Variants in GRID1 observed in about 807,000 individuals in gnomAD.
The protein encoded by GRID1 is glutamate receptor ionotropic, delta-1.
A neutral mutation model predicts 98.0 loss-of-function variants in GRID1; 28 were observed. That is an observed-to-expected ratio of 0.29 (90% confidence interval 0.21 to 0.39). GRID1 has a LOEUF of 0.39. GRID1 is among the 10% of genes least tolerant of loss of function. The pLI is 1.00. For missense variants in GRID1, 1,111 were observed against 1,340.5 expected (o/e 0.83, Z 2.67); for synonymous variants, 553 against 538.5 (o/e 1.03, Z -0.37).
chr10:86,121,369 A>T (rs1177288915), intron 4 of GRID1, among the ~76,000 whole-genome samples: 1 of 151,490 alleles, frequency 6.6e-6, no homozygotes, highest in Admixed American at 6.6e-5. Flanking sequence ...CACCACCAAC[A>T]CCACCATCTC....
chr10:85,819,890 G>A (rs1842747066), intron 8 of GRID1, among the ~76,000 whole-genome samples: 1 of 151,268 alleles, frequency 6.6e-6, no homozygotes, highest in Admixed American at 6.6e-5. Flanking sequence ...CTCTAGCCTG[G>A]GCGAAAAGAG....
chr10:86,129,716 A>G (rs1449117436), intron 4 of GRID1, among the ~76,000 whole-genome samples: 1 of 152,202 alleles, frequency 6.6e-6, no homozygotes. Context: ...CCACCCAGGA[A>G]GCTCATCTGC....
intron 4 of GRID1, among the ~76,000 whole-genome samples, chr10:86,117,777 G>A (rs569783447): frequency 3.6e-4 from 55 of 152,358 alleles, no homozygotes; most frequent in African/African-American, 1.1e-3. Flanking sequence ...CGTCACTCCT[G>A]CAAGAATGGC....
At chr10:86,166,251 A>AGTGAACAGGGAACATACAGAATG (rs1564694959) in intron 3 of GRID1, among the ~76,000 whole-genome samples, 1 of 152,254 alleles carries the variant, frequency 6.6e-6, no homozygotes, top group Non-Finnish European at 1.5e-5. Context: ...CTACGATCAG[A>AGTGAACAGGGAACATACAGAATG]GTGAACAGGG....
chr10:86,207,104 AC>A (rs1846037407), intron 2 of GRID1, among the ~76,000 whole-genome samples: 1 of 152,236 alleles, frequency 6.6e-6, no homozygotes, highest in South Asian at 2.1e-4. Flanking sequence ...TGTGTGTTCT[AC>A]AACTGTTGAC....
chr10:85,842,570 A>T (rs1156626177), intron 8 of GRID1, among the ~76,000 whole-genome samples: 1 of 152,086 alleles, frequency 6.6e-6, no homozygotes, highest in African/African-American at 2.4e-5. Flanking sequence ...AACACAAGAG[A>T]TACTATTACA....
intron 4 of GRID1, among the ~76,000 whole-genome samples, chr10:86,136,362 T>A (rs1397806397): frequency 1.3e-5 from 2 of 152,130 alleles, no homozygotes; most frequent in Non-Finnish European, 1.5e-5. Context: ...AACCATATCT[T>A]CCCCGATGAA....
intron 8 of GRID1, among the ~76,000 whole-genome samples, chr10:85,845,745 T>C (rs1842999585): frequency 6.6e-6 from 1 of 152,162 alleles, no homozygotes; most frequent in African/African-American, 2.4e-5. Context: ...TTTGTTGGCC[T>C]CTCTATACCT....
intron 8 of GRID1, among the ~76,000 whole-genome samples, chr10:85,847,456 AC>A (rs1275386599): frequency 6.6e-6 from 1 of 152,226 alleles, no homozygotes; most frequent in Non-Finnish European, 1.5e-5. Context: ...ATCTGAAGCC[AC>A]CACATTCTGA....
intron 3 of GRID1, among the ~76,000 whole-genome samples, chr10:86,172,258 G>C (rs1253135012): frequency 6.6e-6 from 1 of 152,070 alleles, no homozygotes; most frequent in Non-Finnish European, 1.5e-5. Flanking sequence ...TACAATATGT[G>C]GTCTTTAGTG....
At chr10:86,316,145 A>C (rs1291115110) in intron 2 of GRID1, among the ~76,000 whole-genome samples, 2 of 152,230 alleles carry the variant, frequency 1.3e-5, no homozygotes, top group Non-Finnish European at 2.9e-5. Flanking sequence ...ACTCTGGTCC[A>C]CACTGGGGAC....
intron 5 of GRID1, among the ~76,000 whole-genome samples, chr10:85,870,404 C>T (rs559586789): frequency 6.6e-6 from 1 of 152,356 alleles, no homozygotes; most frequent in Admixed American, 6.5e-5. Context: ...GGGACTCAGA[C>T]TGGCTCCTCA....
At chr10:85,770,189 C>A (rs911677797) in intron 8 of GRID1, among the ~76,000 whole-genome samples, 10 of 152,184 alleles carry the variant, frequency 6.6e-5, no homozygotes, top group African/African-American at 1.2e-4. Context: ...TGTTCTGCAG[C>A]CACCGCTGCT....
chr10:85,765,264 G>A (rs1032956481), intron 8 of GRID1, among the ~76,000 whole-genome samples: 1 of 152,158 alleles, frequency 6.6e-6, no homozygotes, highest in African/African-American at 2.4e-5. Context: ...ATTACCCTTA[G>A]AAAGCTCTGC....
At chr10:85,681,525 G>A (rs1233994429) in intron 12 of GRID1, among the ~76,000 whole-genome samples, 2 of 152,036 alleles carry the variant, frequency 1.3e-5, no homozygotes, top group South Asian at 2.1e-4. Context: ...CCCACGACCC[G>A]AGGCTTCCCC....
intron 4 of GRID1, among the ~76,000 whole-genome samples, chr10:86,050,442 A>G (rs1248254261): frequency 6.6e-6 from 1 of 152,222 alleles, no homozygotes; most frequent in African/African-American, 2.4e-5. Context: ...AACTCTGAAA[A>G]ACACATGAAG....
At chr10:85,634,249 C>CTCTCTCTCTCTCTCTCTCTCT (rs1554860991) in intron 13 of GRID1, among the ~76,000 whole-genome samples, 2 of 92,314 alleles carry the variant, frequency 2.2e-5, no homozygotes, top group Admixed American at 1.3e-4. Flanking sequence ...TGATGGGGCA[C>CTCTCTCTCTCTCTCTCTCTCT]CTCTCTCTCT....
intron 8 of GRID1, among the ~76,000 whole-genome samples, chr10:85,817,293 C>CGAGGCAGATGG (rs1842724557): frequency 6.6e-6 from 1 of 151,772 alleles, no homozygotes. Flanking sequence ...TTTGGGAGGC[C>CGAGGCAGATGG]AAAGTGAGAG....
rs369079267 is a variant in GRID1, at chr10:85,747,282, A to C, written c.1234-17668T>G. ...GCATTTCGTTATTTAATGGAGGAAG[A>C]AATAAAGGAAAGGCAAGCAGGAGAG... is the stretch of plus-strand genomic sequence containing the variant. On this transcript the variant is annotated intron_variant, in intron 8 of 15. Transcript: ENST00000327946. Among the ~76,000 whole-genome samples, 72 of 152,250 alleles carry C rather than the reference A, an allele frequency of 4.7e-4. No individual in the cohort carries two copies. The South Asian group carries it at 6.6e-3, about 14-fold the overall frequency.
Sources: gnomAD v4.1 joint callset for allele counts (sites outside exome capture counted in the v4.1 genomes callset) on GRCh38, gnomAD v4.1.1 for gene constraint, MANE v1.5 for transcripts, NCBI Gene and HGNC (gene_info 2026-07-23, HGNC 2026-07-21) for gene names.